ANKFN1: variants seen among roughly 807,000 people sequenced by gnomAD.
ANKFN1 encodes ankyrin repeat and fibronectin type-III domain-containing protein 1.
Under a neutral mutation model 108.7 loss-of-function variants are expected in ANKFN1, and 74 were observed. The ratio of observed to expected loss-of-function variants is 0.68; its 90% CI spans 0.56 to 0.83. The LOEUF (loss-of-function observed/expected upper bound fraction) is 0.83. Ranked by LOEUF, ANKFN1 falls within the 40% of genes least tolerant of loss-of-function variation. ANKFN1 has a pLI of 0.00. For synonymous variants in ANKFN1, 547 were observed against 516.2 expected, an observed-to-expected ratio of 1.06 and a Z score of -0.81; for missense variants, 1,505 against 1,382.3, an observed-to-expected ratio of 1.09 and a Z score of -1.41.
At chr17:56,255,620 G>T (rs1227600317) in intron 3 of ANKFN1, among the ~76,000 whole-genome samples, 1 of 152,132 alleles carries the variant, frequency 6.6e-6, no homozygotes, top group East Asian at 1.9e-4. Flanking sequence ...CTATGAAAAT[G>T]TGGCCTGTTT....
At chr17:56,343,262 A>C (rs2046007033) in intron 4 of ANKFN1, among the ~76,000 whole-genome samples, 1 of 151,850 alleles carries the variant, frequency 6.6e-6, no homozygotes, top group Non-Finnish European at 1.5e-5. Context: ...TTCAACCTGA[A>C]GGTGTCGTGT....
intron 4 of ANKFN1, among the ~76,000 whole-genome samples, chr17:56,121,189 T>C (rs1485339903): frequency 6.6e-6 from 1 of 151,996 alleles, no homozygotes; most frequent in African/African-American, 2.4e-5. Flanking sequence ...AAGATCTTAT[T>C]CCAAGCAGCG....
At chr17:56,222,347 C>T (rs987720440) in intron 2 of ANKFN1, among the ~76,000 whole-genome samples, 9 of 152,134 alleles carry the variant, frequency 5.9e-5, no homozygotes, top group Non-Finnish European at 7.3e-5. Flanking sequence ...AAAAGCCTGC[C>T]TACATGTGTG....
intron 1 of ANKFN1, among the ~76,000 whole-genome samples, chr17:56,177,350 G>T (rs1247347627): frequency 6.6e-6 from 1 of 152,174 alleles, no homozygotes; most frequent in Admixed American, 6.6e-5. Flanking sequence ...TGGAATTTTG[G>T]TTTCCCAGCA....
intron 3 of ANKFN1, among the ~76,000 whole-genome samples, chr17:56,263,210 G>T (rs1226337878): frequency 6.6e-6 from 1 of 152,180 alleles, no homozygotes; most frequent in African/African-American, 2.4e-5. Context: ...TAGGCAGCCT[G>T]GGTACTGGAT....
chr17:56,187,994 C>T (rs986101387), intron 1 of ANKFN1, among the ~76,000 whole-genome samples: 6 of 152,066 alleles, frequency 3.9e-5, no homozygotes, highest in Admixed American at 6.5e-5. Flanking sequence ...CACAAGTTAA[C>T]GGGTGCAGCA....
intron 4 of ANKFN1, among the ~76,000 whole-genome samples, chr17:56,137,912 T>C (rs1178447895): frequency 2.0e-5 from 3 of 152,224 alleles, no homozygotes; most frequent in Non-Finnish European, 4.4e-5. Context: ...ATTAGCCTCA[T>C]TGACAATTTT....
At chr17:56,447,980 TTTTATATAAC>T (rs2049353445) in intron 10 of ANKFN1, among the ~76,000 whole-genome samples, 1 of 152,198 alleles carries the variant, frequency 6.6e-6, no homozygotes, top group Non-Finnish European at 1.5e-5. Context: ...TATGGAATGC[TTTTATATAAC>T]TTTAACTGTC....
intron 3 of ANKFN1, among the ~76,000 whole-genome samples, chr17:56,305,773 A>G (rs2044804494): frequency 2.0e-5 from 3 of 152,186 alleles, no homozygotes; most frequent in African/African-American, 7.2e-5. Context: ...ATCATTTTAC[A>G]TTTTATATTT....
intron 4 of ANKFN1, among the ~76,000 whole-genome samples, chr17:56,121,896 T>C (rs1294793203): frequency 1.3e-5 from 2 of 152,168 alleles, no homozygotes; most frequent in African/African-American, 4.8e-5. Context: ...TTCTGGATCA[T>C]GACAAAGTTA....
chr17:56,357,711 A>G (rs934823079), intron 6 of ANKFN1, among the ~76,000 whole-genome samples: 1 of 152,164 alleles, frequency 6.6e-6, no homozygotes, highest in African/African-American at 2.4e-5. Flanking sequence ...CAAGAGGAAA[A>G]CCAGTCTGCC....
At chr17:56,199,386 A>C (rs918674908) in intron 1 of ANKFN1, among the ~76,000 whole-genome samples, 1 of 151,884 alleles carries the variant, frequency 6.6e-6, no homozygotes, top group Non-Finnish European at 1.5e-5. Context: ...TTTTAAGAAG[A>C]TATTTTCTGA....
chr17:56,390,215 A>C (rs2047387669), intron 8 of ANKFN1, among the ~76,000 whole-genome samples: 1 of 150,188 alleles, frequency 6.7e-6, no homozygotes, highest in Admixed American at 6.7e-5. Flanking sequence ...ACCCCTTGAC[A>C]GACCCCAATG....
intron 4 of ANKFN1, among the ~76,000 whole-genome samples, chr17:56,137,925 C>G (rs994626455): frequency 6.6e-6 from 1 of 152,118 alleles, no homozygotes; most frequent in Non-Finnish European, 1.5e-5. Context: ...ACAATTTTAT[C>G]ATTTAGCAAA....
chr17:56,256,578 A>C (rs1009686596), intron 3 of ANKFN1, among the ~76,000 whole-genome samples: 5 of 152,218 alleles, frequency 3.3e-5, no homozygotes, highest in Admixed American at 6.5e-5. Flanking sequence ...TCTTTTTCTG[A>C]ATGATAGCTT....
intron 4 of ANKFN1, among the ~76,000 whole-genome samples, chr17:56,332,927 C>A (rs964068323): frequency 6.6e-6 from 1 of 151,634 alleles, no homozygotes; most frequent in South Asian, 2.1e-4. Flanking sequence ...AGAACTGACA[C>A]TTTAACAATA....
chr17:56,059,207 AT>A (rs1351439109), intron 4 of ANKFN1, among the ~76,000 whole-genome samples: 1 of 151,800 alleles, frequency 6.6e-6, no homozygotes, highest in Non-Finnish European at 1.5e-5. Context: ...TTTTTTTCAT[AT>A]GTTTTTTGGC....
chr17:56,291,052 A>G (rs533435396), intron 3 of ANKFN1, among the ~76,000 whole-genome samples: 1 of 152,308 alleles, frequency 6.6e-6, no homozygotes, highest in African/African-American at 2.4e-5. Flanking sequence ...TCTTAAAAGT[A>G]TTATTTCTAG....
Position 56,492,229 on chromosome 17 carries a change from G to T in ANKFN1, c.2303G>T (p.Cys768Phe), listed in dbSNP as rs763087195. Reference sequence around the variant, plus strand: ...AGAGAGAAATTTATTAGTCTGTATTGCCGCCTTTCTGCTGTTGTGGAGCTG... The same window carrying T: ...AGAGAGAAATTTATTAGTCTGTATTTCCGCCTTTCTGCTGTTGTGGAGCTG... ...SYREKFISLY[C>F]RLSAVVELDS... Residue 768 changes from cysteine (C) to phenylalanine (F), a missense_variant, in exon 19 of 21, where the codon TGC becomes TTC. Physicochemically the swap from Cys to Phe is radical, Grantham distance 205. Coordinates refer to ENST00000682825, the MANE Select transcript of ANKFN1 (RefSeq NM_001370326.1). 1.1e-5 allele frequency: 8 copies of T among 702,388 alleles called. No individual in the cohort carries two copies. In the South Asian group the frequency reaches 1.2e-4, roughly 10 times the overall value. The allele number at this position is 702,388 out of a possible 1,614,324, so 43.5% of individuals were successfully genotyped here.
Sources: allele counts gnomAD v4.1 joint callset (sites outside exome capture counted in the v4.1 genomes callset), GRCh38; gene constraint gnomAD v4.1.1; transcripts MANE v1.5; gene names NCBI Gene and HGNC (gene_info 2026-07-23, HGNC 2026-07-21).